Variants in ZFR observed in about 807,000 individuals in gnomAD.
The protein encoded by ZFR is zinc finger RNA binding protein.
A neutral mutation model predicts 130.7 loss-of-function variants in ZFR; 19 were observed. The observed-to-expected ratio is 0.15, with a 90% CI of 0.10 to 0.21. ZFR has a LOEUF of 0.21. Among genes scored for constraint, ZFR ranks in the 10% least tolerant of loss-of-function variants. The pLI, the probability that ZFR is intolerant of heterozygous loss-of-function variation, is 1.00. For missense variants in ZFR, 872 were observed against 1,321.5 expected (o/e 0.66, Z 5.27); for synonymous variants, 466 against 456.9 (o/e 1.02, Z -0.25).
In ZFR at chr5:32,400,015, C is replaced by A; in HGVS notation, c.1705G>T (p.Val569Leu). Residue 569 changes from valine (V) to leucine (L), a missense_variant, in exon 9 of 20, where the codon GTG (valine) becomes TTG (leucine). This residue lies in a region of ZFR where 54 missense variants were observed against 119.9 expected (regional missense o/e 0.45). Coordinates refer to ENST00000265069, the MANE Select transcript of ZFR (RefSeq NM_016107.5). ...SDVQPVGHDY[V>L]EEVRNDEGKV... Reference sequence around the variant, plus strand: ...ATTCTCAAATCAATTACCTCTTCCACATAATCATGGCCCACTGGCTGCACA... The same window carrying A: ...ATTCTCAAATCAATTACCTCTTCCAAATAATCATGGCCCACTGGCTGCACA... 1.2e-6 allele frequency: 2 copies of A among 1,603,114 alleles called. No individual in the cohort carries two copies. The highest frequency in any genetic ancestry group is 1.7e-5 in the Admixed American group (1 of 58,214).
At chr5:32,406,706 AG>A in intron 6 of ZFR, 67 bp downstream of exon 6, 2 of 1,533,076 alleles carry the variant, frequency 1.3e-6, no homozygotes, top group South Asian at 2.6e-5. Context: ...TAGTAGGCTC[AG>A]GAGTTAGAAT....
At chr5:32,437,131 A>T (rs1420205695) in intron 2 of ZFR, among the ~76,000 whole-genome samples, 2 of 152,164 alleles carry the variant, frequency 1.3e-5, no homozygotes, top group African/African-American at 4.8e-5. Flanking sequence ...GTCTAAAATG[A>T]CCTTCCCTTG....
intron 9 of ZFR, among the ~76,000 whole-genome samples, chr5:32,398,368 G>A (rs1393276430): frequency 1.3e-5 from 2 of 152,160 alleles, no homozygotes; most frequent in Non-Finnish European, 2.9e-5. Context: ...GGAAAATTAA[G>A]ATGAAATTTT....
chr5:32,425,625 C>A (rs1315333259), intron 2 of ZFR, among the ~76,000 whole-genome samples: 1 of 152,108 alleles, frequency 6.6e-6, no homozygotes, highest in Non-Finnish European at 1.5e-5. Flanking sequence ...CCTCCTAGGT[C>A]AAGCAGTTTT....
At chr5:32,396,714 A>G (rs1753322707) in intron 10 of ZFR, among the ~76,000 whole-genome samples, 1 of 152,196 alleles carries the variant, frequency 6.6e-6, no homozygotes, top group African/African-American at 2.4e-5. Flanking sequence ...ACTGCACTCC[A>G]GCCTTGGCTA....
chr5:32,444,139 G>C, intron 2 of ZFR, 90 bp downstream of exon 2: 2 of 1,444,090 alleles, frequency 1.4e-6, no homozygotes, highest in African/African-American at 1.4e-5. Flanking sequence ...CTCTGGGATG[G>C]CTGGGGACGG....
At chr5:32,425,073 A>G (rs540484594) in intron 2 of ZFR, among the ~76,000 whole-genome samples, 6 of 152,352 alleles carry the variant, frequency 3.9e-5, no homozygotes, top group African/African-American at 1.4e-4. Context: ...GAGCATATGC[A>G]ATACAGTCCT....
intron 2 of ZFR, among the ~76,000 whole-genome samples, chr5:32,432,363 G>GA (rs1203019028): frequency 6.6e-6 from 1 of 152,186 alleles, no homozygotes; most frequent in African/African-American, 2.4e-5. Context: ...AATGTGAGGT[G>GA]ATGGCCCATT....
rs190267280 is a variant in ZFR at position 32,434,201 on chromosome 5, A to G, written c.137+10028T>C. On this transcript the variant is annotated intron_variant, in intron 2 of 19. Transcript: ENST00000265069. Reference sequence around the variant, plus strand: ...GAATGACTAACTGAATGAGAATGGCATATTTCCTTTTTAATCCTTAGAAAT... The same window carrying G: ...GAATGACTAACTGAATGAGAATGGCGTATTTCCTTTTTAATCCTTAGAAAT... Among the ~76,000 whole-genome samples, 4 of 152,382 alleles carry G rather than the reference A, an allele frequency of 2.6e-5. No individual in the cohort carries two copies. In the East Asian group the frequency reaches 7.7e-4, roughly 29 times the overall value.
chr5:32,434,365 ATC>A (rs775475272), intron 2 of ZFR, among the ~76,000 whole-genome samples: 2 of 152,190 alleles, frequency 1.3e-5, no homozygotes, highest in Non-Finnish European at 2.9e-5. Flanking sequence ...TCATCTTATG[ATC>A]TATCTGATAA....
At position 32,403,392 on chromosome 5, in the gene ZFR, A is replaced by G. The variant is rs199916629; in HGVS notation, c.1230T>C (p.Val410=). Residue 410 remains valine, a synonymous_variant, in exon 8 of 20, where the codon GTT becomes GTC. Coordinates refer to ENST00000265069, the MANE Select transcript of ZFR (RefSeq NM_016107.5). ...HIRGAKHQKV[V]KLHTKLGKPI... ...GTTTACCAAGTTTTGTGTGTAACTTAACCACCTATAAAACAAAAGCACACT... is the reference window on the plus strand; with the variant it reads ...GTTTACCAAGTTTTGTGTGTAACTTGACCACCTATAAAACAAAAGCACACT... The G allele has an allele frequency of 2.8e-5, 45 of 1,611,834 alleles. No individual in the cohort carries two copies. The highest frequency in any genetic ancestry group is 2.5e-6 in the Non-Finnish European group (3 of 1,178,370).
At chr5:32,391,309 C>T (rs1753169365) in intron 11 of ZFR, among the ~76,000 whole-genome samples, 2 of 152,092 alleles carry the variant, frequency 1.3e-5, no homozygotes, top group African/African-American at 4.8e-5. Flanking sequence ...TTTAGGTATC[C>T]ACTGGTGGTC....
intron 19 of ZFR, among the ~76,000 whole-genome samples, chr5:32,356,839 A>G (rs1217266397): frequency 6.6e-6 from 1 of 152,230 alleles, no homozygotes; most frequent in Non-Finnish European, 1.5e-5. Context: ...GAACATATAA[A>G]AGTGATGAGT....
At chr5:32,401,596 G>A (rs1753449248) in intron 8 of ZFR, among the ~76,000 whole-genome samples, 1 of 152,208 alleles carries the variant, frequency 6.6e-6, no homozygotes, top group African/African-American at 2.4e-5. Flanking sequence ...TACACAGGTA[G>A]CATGGATGAG....
rs568077024 is a variant in ZFR at position 32,377,862 on chromosome 5, T to C, written c.2835+1253A>G. On this transcript the variant is annotated intron_variant, in intron 17 of 19. Coordinates refer to ENST00000265069, the MANE Select transcript of ZFR (RefSeq NM_016107.5). ...GCCCGCCACCATGCCCAGCTAATTG[T>C]TGTATTATTAGTAGAGACGAGGTTT... is the stretch of plus-strand genomic sequence containing the variant. Among the ~76,000 whole-genome samples the C allele has an allele frequency of 1.5e-3, 227 of 152,120 alleles. 1 individual carries two copies. Among genetic ancestry groups the C allele is most frequent in the African/African-American group, 4.9e-3 (203 of 41,508 alleles).
chr5:32,382,672 TG>T (rs1752958809), intron 15 of ZFR, among the ~76,000 whole-genome samples: 1 of 152,072 alleles, frequency 6.6e-6, no homozygotes, highest in Non-Finnish European at 1.5e-5. Context: ...TGCAATGGCA[TG>T]ATCTCGGCTC....
chr5:32,403,290 G>A lies in ZFR; in HGVS notation c.1332C>T (p.Ala444=). The change falls in exon 8 of 20, where the codon GCC becomes GCT. Residue 444 remains alanine (A), a synonymous_variant. Coordinates refer to ENST00000265069, the MANE Select transcript of ZFR (RefSeq NM_016107.5). ...TGTTTGCTGCAATGCTTGAAGGAGA[G>A]GCAGTCGGCTTTGAAGCAGATACAG... is the stretch of plus-strand genomic sequence containing the variant. ...STAVSASKPT[A]SPSSIAANNC... The A allele has an allele frequency of 3.7e-6, 6 of 1,614,194 alleles. No individual in the cohort carries two copies. The highest frequency in any genetic ancestry group is 5.1e-6 in the Non-Finnish European group (6 of 1,180,026).
chr5:32,434,168 C>T (rs1029314390), intron 2 of ZFR, among the ~76,000 whole-genome samples: 52 of 152,344 alleles, frequency 3.4e-4, no homozygotes, highest in African/African-American at 1.2e-3. Context: ...AACGAAGTCC[C>T]TTCTAGTGAA....
At chr5:32,394,490 A>G in intron 11 of ZFR, 1 of 166,624 alleles carries the variant, frequency 6.0e-6, no homozygotes. Flanking sequence ...CATTTATATG[A>G]AATCTCTAGA....
Sources: gnomAD v4.1 joint callset for allele counts (sites outside exome capture counted in the v4.1 genomes callset) on GRCh38, gnomAD v4.1.1 for gene constraint, gnomAD v4.1.1 regional missense constraint, MANE v1.5 for transcripts, NCBI Gene and HGNC (gene_info 2026-07-23, HGNC 2026-07-21) for gene names.